The following SPAG16 variants were observed in gnomAD, a reference collection of about 807,000 sequenced individuals.
The protein encoded by SPAG16 is sperm associated antigen 16, also known as sperm-associated antigen 16 protein.
In SPAG16, 86 loss-of-function variants were observed where a neutral mutation model predicts 80.4. The ratio of observed to expected loss-of-function variants is 1.07; its 90% CI spans 0.90 to 1.28. SPAG16 has a LOEUF of 1.28. Among genes scored for constraint, SPAG16 ranks in the 50% most tolerant of loss-of-function variants. SPAG16 has a pLI of 0.00. For missense variants in SPAG16, 870 were observed against 765.3 expected (o/e 1.14, Z -1.61); for synonymous variants, 294 against 265.9 (o/e 1.11, Z -1.03).
At chr2:213,615,443 T>G (rs1385495981) in intron 10 of SPAG16, among the ~76,000 whole-genome samples, 1 of 152,122 alleles carries the variant, frequency 6.6e-6, no homozygotes, top group Non-Finnish European at 1.5e-5. Context: ...ATGCAAAAAT[T>G]ACCTGGGTGG....
intron 15 of SPAG16, among the ~76,000 whole-genome samples, chr2:214,394,528 A>G (rs1701254608): frequency 6.6e-6 from 1 of 152,216 alleles, no homozygotes; most frequent in Non-Finnish European, 1.5e-5. Context: ...TTTAATTCCA[A>G]CTAAAAATTA....
intron 3 of SPAG16, among the ~76,000 whole-genome samples, 192 bp downstream of exon 3, chr2:213,297,549 C>A (rs1173788311): frequency 6.6e-6 from 1 of 152,118 alleles, no homozygotes; most frequent in Admixed American, 6.5e-5. Context: ...GATTGCCATT[C>A]TCCACATCAT....
chr2:213,628,159 T>G (rs2062025016), intron 10 of SPAG16, among the ~76,000 whole-genome samples: 1 of 152,214 alleles, frequency 6.6e-6, no homozygotes, highest in Non-Finnish European at 1.5e-5. Flanking sequence ...TACAAATTTG[T>G]GAATATCCAG....
intron 10 of SPAG16, among the ~76,000 whole-genome samples, chr2:213,731,883 T>C (rs1050645578): frequency 6.6e-6 from 1 of 152,176 alleles, no homozygotes; most frequent in African/African-American, 2.4e-5. Flanking sequence ...ACTCCGTTGG[T>C]AGTTTATTTT....
At chr2:213,905,576 C>T (rs1401880973) in intron 11 of SPAG16, among the ~76,000 whole-genome samples, 2 of 152,162 alleles carry the variant, frequency 1.3e-5, no homozygotes, top group East Asian at 3.9e-4. Context: ...TATTGGGAGT[C>T]TCTGTGTGCA....
intron 15 of SPAG16, among the ~76,000 whole-genome samples, chr2:214,384,352 G>T (rs141619823): frequency 1.3e-5 from 2 of 152,190 alleles, no homozygotes; most frequent in African/African-American, 4.8e-5. Flanking sequence ...TTTCCCTAGA[G>T]ATGCTACAGA....
At chr2:213,835,140 A>G (rs866414474) in intron 10 of SPAG16, among the ~76,000 whole-genome samples, 54 of 152,298 alleles carry the variant, frequency 3.5e-4, no homozygotes, top group African/African-American at 1.0e-3. Context: ...AAATTTTATC[A>G]ACACACAGAC....
chr2:213,517,570 C>G (rs2075480373), intron 10 of SPAG16, among the ~76,000 whole-genome samples: 2 of 152,120 alleles, frequency 1.3e-5, no homozygotes, highest in African/African-American at 4.8e-5. Flanking sequence ...TATTATAAGG[C>G]TACAGGAACC....
rs565595733 is a variant in SPAG16 at position 213,392,716 on chromosome 2, G to A, written c.942+17597G>A. Among the ~76,000 whole-genome samples, 48 of 151,856 alleles carry A rather than the reference G, an allele frequency of 3.2e-4. 1 individual carries two copies. The highest frequency in any genetic ancestry group is 8.5e-4 in the African/African-American group (35 of 41,412). ...AAAAACATTAGCCAGGCGTGGTGGC[G>A]GGTGCCTGTAATCTCAGCTACTCGG... On this transcript the variant is annotated intron_variant, in intron 9 of 15. Coordinates refer to ENST00000331683, the MANE Select transcript of SPAG16 (RefSeq NM_024532.5).
intron 10 of SPAG16, among the ~76,000 whole-genome samples, chr2:213,502,536 G>A (rs1217020838): frequency 1.3e-5 from 2 of 152,046 alleles, no homozygotes; most frequent in Non-Finnish European, 2.9e-5. Flanking sequence ...TGAAATAATA[G>A]GCTAAATAAA....
chr2:213,477,628 C>T (rs2073487265), intron 9 of SPAG16, among the ~76,000 whole-genome samples: 1 of 152,188 alleles, frequency 6.6e-6, no homozygotes, highest in African/African-American at 2.4e-5. Flanking sequence ...ACGATTTCTC[C>T]CATTTGGAAT....
chr2:213,622,929 T>A (rs1226475822), intron 10 of SPAG16, among the ~76,000 whole-genome samples: 1 of 152,190 alleles, frequency 6.6e-6, no homozygotes, highest in Admixed American at 6.5e-5. Context: ...GAATAATTTG[T>A]GTAAGTTCTT....
intron 15 of SPAG16, among the ~76,000 whole-genome samples, chr2:214,285,530 C>T (rs1358600160): frequency 2.0e-5 from 3 of 152,064 alleles, no homozygotes; most frequent in African/African-American, 4.8e-5. Flanking sequence ...AACTGCTAGC[C>T]GGGCGTGGTG....
At position 213,700,480 on chromosome 2, in the gene SPAG16, A is replaced by G. The variant is rs371753522; in HGVS notation, c.1071-162005A>G. 7.9e-5 allele frequency among the ~76,000 whole-genome samples: 12 copies of G among 152,204 alleles called. No individual in the cohort carries two copies. The East Asian group carries it at 1.9e-3, about 25-fold the overall frequency. On this transcript the variant is annotated intron_variant, in intron 10 of 15. Transcript: ENST00000331683. ...AATATTACAATTTCTTGAGTGTGCT[A>G]TTTTCCAGACAAATGTGTATTCCAT... is the stretch of plus-strand genomic sequence containing the variant.
At chr2:214,324,907 T>A (rs1265674845) in intron 15 of SPAG16, among the ~76,000 whole-genome samples, 1 of 152,212 alleles carries the variant, frequency 6.6e-6, no homozygotes, top group Non-Finnish European at 1.5e-5. Flanking sequence ...GGCATGTCAT[T>A]TGTGACATAC....
chr2:214,255,753 A>G (rs995774763), intron 15 of SPAG16, among the ~76,000 whole-genome samples: 2 of 151,982 alleles, frequency 1.3e-5, no homozygotes, highest in Admixed American at 1.3e-4. Context: ...AATAAATGGA[A>G]TCTTTTGTGT....
chr2:214,065,532 A>T (rs1444401656), intron 13 of SPAG16, among the ~76,000 whole-genome samples: 2 of 152,156 alleles, frequency 1.3e-5, no homozygotes, highest in Non-Finnish European at 2.9e-5. Flanking sequence ...AGTATTTGAG[A>T]ATGGAATAGT....
At chr2:213,689,827 C>T (rs2125291178) in intron 10 of SPAG16, among the ~76,000 whole-genome samples, 1 of 152,228 alleles carries the variant, frequency 6.6e-6, no homozygotes, top group South Asian at 2.1e-4. Context: ...CTTTAGTGTG[C>T]ACTTTACTAT....
At chr2:213,679,399 A>G (rs1317945712) in intron 10 of SPAG16, among the ~76,000 whole-genome samples, 1 of 152,212 alleles carries the variant, frequency 6.6e-6, no homozygotes, top group Non-Finnish European at 1.5e-5. Context: ...CTGGTACTCC[A>G]GAAAGTAGAA....
Sources: allele counts gnomAD v4.1 joint callset (sites outside exome capture counted in the v4.1 genomes callset), GRCh38; gene constraint gnomAD v4.1.1; transcripts MANE v1.5; gene names NCBI Gene and HGNC (gene_info 2026-07-23, HGNC 2026-07-21).